The following MAGI1 variants were observed in gnomAD, a reference collection of about 807,000 sequenced individuals.
MAGI1 encodes the protein membrane-associated guanylate kinase, WW and PDZ domain-containing protein 1.
MAGI1 carries 58 observed loss-of-function variants against 139.9 expected under a neutral mutation model. The ratio of observed to expected loss-of-function variants is 0.41; its 90% confidence interval spans 0.34 to 0.52. The LOEUF (loss-of-function observed/expected upper bound fraction) is 0.52, where lower values mean the gene tolerates loss of function less well. Among genes scored for constraint, MAGI1 ranks in the 20% least tolerant of loss-of-function variants. The pLI, the probability that MAGI1 is intolerant of heterozygous loss-of-function variation, is 0.12. For missense variants in MAGI1, 1,874 were observed against 1,901.6 expected (o/e 0.99, Z 0.27); for synonymous variants, 812 against 737.9 (o/e 1.10, Z -1.63).
chr3:65,522,241 T>C (rs2078195879), intron 2 of MAGI1, among the ~76,000 whole-genome samples: 1 of 152,226 alleles, frequency 6.6e-6, no homozygotes, highest in Non-Finnish European at 1.5e-5. Flanking sequence ...GTGTTGAATA[T>C]GCTGATATTA....
intron 1 of MAGI1, among the ~76,000 whole-genome samples, chr3:65,791,957 C>A (rs1038836233): frequency 3.4e-4 from 51 of 152,118 alleles, no homozygotes; most frequent in African/African-American, 1.2e-3. Flanking sequence ...CCCTTATCTG[C>A]CCAGAAAACA....
chr3:65,814,101 C>A (rs940114641), intron 1 of MAGI1, among the ~76,000 whole-genome samples: 1 of 151,790 alleles, frequency 6.6e-6, no homozygotes, highest in Non-Finnish European at 1.5e-5. Flanking sequence ...CTAAAAAGAA[C>A]AAGTGGCACC....
At chr3:65,976,219 G>A (rs147283821) in intron 1 of MAGI1, among the ~76,000 whole-genome samples, 51 of 152,248 alleles carry the variant, frequency 3.3e-4, no homozygotes, top group African/African-American at 1.2e-3. Context: ...AGATATTCAC[G>A]AATTAAGCAA....
At chr3:65,828,785 G>T (rs2042366146) in intron 1 of MAGI1, among the ~76,000 whole-genome samples, 1 of 152,180 alleles carries the variant, frequency 6.6e-6, no homozygotes. Flanking sequence ...AATCACATGA[G>T]TTATTAAAAA....
chr3:65,964,826 A>T (rs1215526745), intron 1 of MAGI1, among the ~76,000 whole-genome samples: 1 of 152,170 alleles, frequency 6.6e-6, no homozygotes, highest in Non-Finnish European at 1.5e-5. Context: ...TTTTATGTTC[A>T]ACAGCCTTAG....
rs1277239794 is a variant in MAGI1, at chr3:65,354,607, A to C, written c.*1771T>G. On this transcript the variant is annotated 3_prime_UTR_variant, in exon 23 of 23. Coordinates refer to ENST00000402939, the MANE Select transcript of MAGI1 (RefSeq NM_001033057.2). ...GGCTCACCATGGAGGAAATGATGAT[A>C]TTCAAACCAACTAAAGCTTTAGAGA... The C allele has an allele frequency of 2.0e-5, 3 of 152,652 alleles. No individual in the cohort carries two copies. Among genetic ancestry groups the C allele is most frequent in the African/African-American group, 7.2e-5 (3 of 41,454 alleles). 9.5% of individuals were successfully genotyped at this position (152,652 alleles called of 1,614,324 possible).
intron 2 of MAGI1, among the ~76,000 whole-genome samples, chr3:65,573,762 A>T (rs1256154378): frequency 6.6e-6 from 1 of 152,184 alleles, no homozygotes; most frequent in African/African-American, 2.4e-5. Flanking sequence ...AAGGAAATAA[A>T]AAGCATTTAG....
At chr3:65,752,237 C>A (rs1451653822) in intron 1 of MAGI1, among the ~76,000 whole-genome samples, 1 of 152,184 alleles carries the variant, frequency 6.6e-6, no homozygotes, top group Non-Finnish European at 1.5e-5. Context: ...GAGTGACCCA[C>A]TGCAAAGATA....
chr3:65,732,862 T>C (rs529697004), intron 1 of MAGI1, among the ~76,000 whole-genome samples: 1 of 152,314 alleles, frequency 6.6e-6, no homozygotes, highest in African/African-American at 2.4e-5. Context: ...ACTCTGATTC[T>C]TGAATTCATT....
intron 1 of MAGI1, among the ~76,000 whole-genome samples, chr3:65,948,136 G>A (rs1020463904): frequency 6.6e-6 from 1 of 151,192 alleles, no homozygotes; most frequent in African/African-American, 2.4e-5. Context: ...TAGAGACGGG[G>A]TTTCACCATG....
chr3:65,878,425 C>T (rs958738621), intron 1 of MAGI1, among the ~76,000 whole-genome samples: 1 of 148,564 alleles, frequency 6.7e-6, no homozygotes. Context: ...CTGAAGTAGG[C>T]GAATTGCTTG....
At chr3:65,976,294 T>G (rs1223439055) in intron 1 of MAGI1, among the ~76,000 whole-genome samples, 1 of 152,116 alleles carries the variant, frequency 6.6e-6, no homozygotes, top group African/African-American at 2.4e-5. Flanking sequence ...CGGAGTGGGA[T>G]GAGGGATGCT....
At chr3:65,501,013 G>T (rs2077058898) in intron 2 of MAGI1, among the ~76,000 whole-genome samples, 2 of 152,154 alleles carry the variant, frequency 1.3e-5, no homozygotes, top group Admixed American at 6.5e-5. Context: ...GAGCACAGTA[G>T]AATGTATTAG....
rs1184725432 is a variant in MAGI1 at position 65,816,555 on chromosome 3, T to A, written c.314-194467A>T. 2.0e-5 allele frequency among the ~76,000 whole-genome samples: 3 copies of A among 151,990 alleles called. No individual in the cohort carries two copies. The East Asian group carries it at 5.8e-4, about 29-fold the overall frequency. On this transcript the variant is annotated intron_variant, in intron 1 of 22. Coordinates refer to ENST00000402939, the MANE Select transcript of MAGI1 (RefSeq NM_001033057.2). ...AAGTGGCAAGTACATGAGCTCCTAC[T>A]GTCCATATCAATTATTTGACATGAC...
intron 1 of MAGI1, among the ~76,000 whole-genome samples, chr3:65,942,213 T>G (rs2063347709): frequency 6.6e-6 from 1 of 151,394 alleles, no homozygotes; most frequent in African/African-American, 2.4e-5. Flanking sequence ...ATAATACCAT[T>G]TGCAGAAAAA....
intron 1 of MAGI1, among the ~76,000 whole-genome samples, chr3:65,633,686 G>A (rs2084437088): frequency 6.6e-6 from 1 of 152,072 alleles, no homozygotes; most frequent in Non-Finnish European, 1.5e-5. Context: ...AGCCTTTGGT[G>A]CTTCTTGTAT....
At chr3:65,413,505 T>C (rs1945955360) in intron 12 of MAGI1, among the ~76,000 whole-genome samples, 1 of 152,164 alleles carries the variant, frequency 6.6e-6, no homozygotes, top group Non-Finnish European at 1.5e-5. Flanking sequence ...AGCAGCCCCA[T>C]TCATCTCCCA....
intron 1 of MAGI1, among the ~76,000 whole-genome samples, chr3:65,834,347 G>A (rs897875770): frequency 6.6e-6 from 1 of 152,198 alleles, no homozygotes; most frequent in Non-Finnish European, 1.5e-5. Flanking sequence ...CAGTGTGAAT[G>A]AGCTTAACAT....
rs570232226 is a variant in MAGI1 at position 65,494,540 on chromosome 3, G to GA, written c.431-910dup. Among the ~76,000 whole-genome samples the GA allele has an allele frequency of 1.1e-3, 163 of 151,736 alleles. 1 individual carries two copies. The East Asian group carries it at 0.024, about 23-fold the overall frequency. On this transcript the variant is annotated intron_variant, in intron 2 of 22. Coordinates refer to ENST00000402939, the MANE Select transcript of MAGI1 (RefSeq NM_001033057.2). ...GAGCCTATGTTAAATATTATGAGAC[G>GA]AAAAAAAAGAGCAAAAAATGTGACT...
Sources: gnomAD v4.1 joint callset for allele counts (sites outside exome capture counted in the v4.1 genomes callset) on GRCh38, gnomAD v4.1.1 for gene constraint, MANE v1.5 for transcripts, NCBI Gene and HGNC (gene_info 2026-07-23, HGNC 2026-07-21) for gene names.